ERC2: variants seen among roughly 807,000 people sequenced by gnomAD.
ERC2 encodes ELKS/RAB6-interacting/CAST family member 2, also known as ERC protein 2.
A neutral mutation model predicts 114.8 loss-of-function variants in ERC2; 42 were observed. The observed-to-expected ratio is 0.37, with a 90% CI of 0.29 to 0.47. ERC2 has a LOEUF of 0.47. Among genes scored for constraint, ERC2 ranks in the 20% least tolerant of loss-of-function variants. The probability of loss-of-function intolerance (pLI) is 0.99; values close to 1 mark genes in which losing one functional copy is unlikely to be tolerated. For missense variants in ERC2, 939 were observed against 1,150.7 expected (o/e 0.82, Z 2.66); for synonymous variants, 454 against 425.5 (o/e 1.07, Z -0.82).
At chr3:55,910,236 CA>C (rs201187659) in intron 13 of ERC2, among the ~76,000 whole-genome samples, 1 of 151,198 alleles carries the variant, frequency 6.6e-6, no homozygotes, top group South Asian at 2.1e-4. Context: ...CTAAAAAATA[CA>C]AAAAAAATAG....
intron 14 of ERC2, among the ~76,000 whole-genome samples, chr3:55,775,965 GAGA>G (rs1290228806): frequency 6.6e-6 from 1 of 152,158 alleles, no homozygotes. Flanking sequence ...TGCACCACAG[GAGA>G]AGAAGGATAA....
chr3:56,039,742 A>G (rs1457188783), intron 7 of ERC2, among the ~76,000 whole-genome samples: 2 of 152,210 alleles, frequency 1.3e-5, no homozygotes, highest in African/African-American at 4.8e-5. Flanking sequence ...TGATTTCAAA[A>G]TATACTACAA....
chr3:56,309,871 G>A (rs1368265689), intron 2 of ERC2, among the ~76,000 whole-genome samples: 3 of 152,136 alleles, frequency 2.0e-5, no homozygotes, highest in African/African-American at 7.2e-5. Flanking sequence ...TCCCTCCTCC[G>A]ATTTGGGCAG....
chr3:56,340,000 C>T (rs1183910305), intron 2 of ERC2, among the ~76,000 whole-genome samples: 2 of 152,220 alleles, frequency 1.3e-5, no homozygotes, highest in East Asian at 1.9e-4. Flanking sequence ...ATCACAACCC[C>T]AAGATATTGA....
At chr3:55,821,497 TTTACCAGCGTCA>T (rs1262103392) in intron 14 of ERC2, among the ~76,000 whole-genome samples, 1 of 152,170 alleles carries the variant, frequency 6.6e-6, no homozygotes, top group Non-Finnish European at 1.5e-5. Flanking sequence ...TGAAGCACAC[TTTACCAGCGTCA>T]TTACATATTA....
At chr3:55,867,727 A>T (rs1191082916) in intron 14 of ERC2, among the ~76,000 whole-genome samples, 2 of 152,152 alleles carry the variant, frequency 1.3e-5, no homozygotes, top group African/African-American at 2.4e-5. Context: ...CTATTTTTTT[A>T]AAAAGATAAA....
In ERC2 at chr3:55,734,857, A is replaced by G. The variant is rs1464315031; in HGVS notation, c.2626T>C (p.Ser876Pro). The change falls in exon 15 of 18, where the codon TCT becomes CCT. Residue 876 changes from serine (S) to proline (P), a missense_variant. Physicochemically the swap from Ser to Pro is moderately conservative, Grantham distance 74 (BLOSUM62 -1). Coordinates refer to ENST00000288221, the MANE Select transcript of ERC2 (RefSeq NM_015576.3). ...TGCGTCTTTTTCTTTTTGGAGGCAG[A>G]CAATTCCAGCAAGGCAATGTTTGCA... is the stretch of plus-strand genomic sequence containing the variant. ...KDANIALLELSASKKKKTQEE... is the reference protein window; with the variant it reads ...KDANIALLELPASKKKKTQEE... 6.2e-7 allele frequency: 1 copy of G among 1,612,588 alleles called. No homozygotes were observed. The highest frequency in any genetic ancestry group is 8.5e-7 in the Non-Finnish European group (1 of 1,179,264).
intron 10 of ERC2, among the ~76,000 whole-genome samples, chr3:55,998,580 G>A (rs1450497489): frequency 6.6e-6 from 1 of 152,140 alleles, no homozygotes; most frequent in Non-Finnish European, 1.5e-5. Flanking sequence ...TTTCCACTGT[G>A]CTGGGAGATA....
rs79466277 is a variant in ERC2 at position 56,157,988 on chromosome 3, G to A, written c.1150-8856C>T. Among the ~76,000 whole-genome samples, 47 of 152,320 alleles carry A rather than the reference G, an allele frequency of 3.1e-4. 1 individual carries two copies. In the East Asian group the frequency reaches 9.1e-3, roughly 29 times the overall value. ...AATCCCTAAATAAACGGTAGGCTGG[G>A]AACCTGAGCACCAGCAAGGGAGAGG... On this transcript the variant is annotated intron_variant, in intron 4 of 17. Transcript: ENST00000288221.
chr3:56,007,642 T>C, intron 9 of ERC2, among the ~76,000 whole-genome samples: 1 of 152,076 alleles, frequency 6.6e-6, no homozygotes, highest in East Asian at 1.9e-4. Flanking sequence ...ACAGACACCC[T>C]GAACCTTCCG....
chr3:55,897,989 C>T (rs2063923078), intron 13 of ERC2, among the ~76,000 whole-genome samples: 1 of 152,188 alleles, frequency 6.6e-6, no homozygotes, highest in Non-Finnish European at 1.5e-5. Flanking sequence ...ACATTAAGAA[C>T]ATTTGTTTGG....
intron 2 of ERC2, among the ~76,000 whole-genome samples, chr3:56,396,010 G>A (rs2106893504): frequency 6.6e-6 from 1 of 152,268 alleles, no homozygotes; most frequent in East Asian, 1.9e-4. Context: ...AAGTTAAAAT[G>A]AAATTCAATC....
intron 3 of ERC2, among the ~76,000 whole-genome samples, chr3:56,237,661 CT>C (rs983601562): frequency 6.6e-6 from 1 of 151,514 alleles, no homozygotes; most frequent in South Asian, 2.1e-4. Context: ...ACATTGCTTT[CT>C]TTTTTTTTCT....
intron 2 of ERC2, among the ~76,000 whole-genome samples, chr3:56,386,456 G>T (rs1330600108): frequency 6.6e-6 from 1 of 152,034 alleles, no homozygotes; most frequent in Non-Finnish European, 1.5e-5. Context: ...TCCCAACCTG[G>T]GCGATCCTCC....
chr3:55,532,407 G>A (rs1422650113), intron 17 of ERC2, among the ~76,000 whole-genome samples: 3 of 152,164 alleles, frequency 2.0e-5, no homozygotes, highest in East Asian at 3.8e-4. Flanking sequence ...GGCTTGTCAT[G>A]GGGTACAAAA....
intron 17 of ERC2, among the ~76,000 whole-genome samples, chr3:55,596,188 A>G (rs989977705): frequency 1.3e-5 from 2 of 152,228 alleles, no homozygotes; most frequent in African/African-American, 2.4e-5. Flanking sequence ...AAAAAAGGAG[A>G]AGGGAACAAA....
intron 17 of ERC2, among the ~76,000 whole-genome samples, chr3:55,646,863 AC>A (rs2060419397): frequency 6.6e-6 from 1 of 152,232 alleles, no homozygotes; most frequent in African/African-American, 2.4e-5. Context: ...TATACAATTT[AC>A]ATAAGGTCAC....
chr3:56,056,286 G>A (rs565236749), intron 7 of ERC2, among the ~76,000 whole-genome samples: 59 of 152,278 alleles, frequency 3.9e-4, no homozygotes, highest in Middle Eastern at 3.4e-3. Context: ...ATAAAGAGAG[G>A]GAAAGAAGAC....
intron 7 of ERC2, among the ~76,000 whole-genome samples, chr3:56,064,482 A>T (rs1002609623): frequency 1.3e-5 from 2 of 152,222 alleles, no homozygotes; most frequent in Non-Finnish European, 2.9e-5. Flanking sequence ...CTCCATGTCA[A>T]TGAGTGCTAT....
Sources: gnomAD v4.1 joint callset for allele counts (sites outside exome capture counted in the v4.1 genomes callset) on GRCh38, gnomAD v4.1.1 for gene constraint, MANE v1.5 for transcripts, NCBI Gene and HGNC (gene_info 2026-07-23, HGNC 2026-07-21) for gene names.